IQCB1: variants seen among roughly 807,000 people sequenced by gnomAD.
IQCB1 encodes the protein IQ calmodulin-binding motif-containing protein 1.
In IQCB1, 56 loss-of-function variants were observed where a neutral mutation model predicts 84.4. The ratio of observed to expected loss-of-function variants is 0.66; its 90% CI spans 0.54 to 0.83. The LOEUF is 0.83. Among genes scored for constraint, IQCB1 ranks in the 40% least tolerant of loss-of-function variants. IQCB1 has a pLI of 0.00. For synonymous variants in IQCB1, 210 were observed against 234.8 expected, an observed-to-expected ratio of 0.89 and a Z score of 0.96; for missense variants, 629 against 682.1, an observed-to-expected ratio of 0.92 and a Z score of 0.87.
intron 7 of IQCB1, among the ~76,000 whole-genome samples, chr3:121,804,161 T>C (rs1949518998): frequency 6.6e-6 from 1 of 152,156 alleles, no homozygotes; most frequent in South Asian, 2.1e-4. Flanking sequence ...ACAGTGATAT[T>C]ATACCACTTC....
chr3:121,781,643 A>ACG, intron 13 of IQCB1, 100 bp downstream of exon 13: 1 of 599,854 alleles, frequency 1.7e-6, no homozygotes, highest in Non-Finnish European at 2.4e-6. Context: ...ACACACACAC[A>ACG]CACACACACA....
intron 12 of IQCB1, among the ~76,000 whole-genome samples, chr3:121,783,598 C>A (rs1948592127): frequency 1.3e-5 from 2 of 152,130 alleles, no homozygotes; most frequent in Admixed American, 1.3e-4. Flanking sequence ...ACAAACTCTG[C>A]CCTAATTTTC....
chr3:121,770,290 G>A lies in IQCB1; in HGVS notation c.*55C>T, dbSNP rs1413089880. The A allele has an allele frequency of 1.6e-6, 2 of 1,244,346 alleles. No homozygotes were observed. Among genetic ancestry groups the A allele is most frequent in the Admixed American group, 1.7e-5 (1 of 58,400 alleles). 77.1% of individuals were successfully genotyped at this position (1,244,346 alleles called of 1,614,324 possible). On this transcript the variant is annotated 3_prime_UTR_variant, in exon 15 of 15. Transcript: ENST00000310864. ...CTAGTCTACCAGCATGCCAGAGGCA[G>A]AACCAATATAATCTCCTAAAATATG...
At chr3:121,800,909 A>G (rs1035747828) in intron 7 of IQCB1, among the ~76,000 whole-genome samples, 1 of 151,954 alleles carries the variant, frequency 6.6e-6, no homozygotes, top group African/African-American at 2.4e-5. Context: ...TGATAAGTTC[A>G]TCAGTATAAC....
chr3:121,820,546 C>G (rs576151495), intron 5 of IQCB1, among the ~76,000 whole-genome samples: 4 of 152,252 alleles, frequency 2.6e-5, no homozygotes, highest in Admixed American at 2.6e-4. Context: ...TAGCCATAGT[C>G]CTGATCTCTC....
At chr3:121,796,126 T>C (rs1456430360) in intron 9 of IQCB1, among the ~76,000 whole-genome samples, 2 of 152,088 alleles carry the variant, frequency 1.3e-5, no homozygotes, top group East Asian at 1.9e-4. Flanking sequence ...TAATAAAATA[T>C]AGTTTTATGA....
Position 121,819,299 on chromosome 3 carries a change from T to C in IQCB1, c.393+6752A>G, listed in dbSNP as rs72626330. Among the ~76,000 whole-genome samples the C allele has an allele frequency of 6.1e-3, 929 of 152,266 alleles. 51 individuals carry two copies. The East Asian group carries it at 0.14, about 23-fold the overall frequency. ...TCTCATAATGAGCCTGCAACCTAGA[T>C]CCCTCACCTGCACAGTTCACAATAG... is the stretch of plus-strand genomic sequence containing the variant. On this transcript the variant is annotated intron_variant, in intron 5 of 14. Coordinates refer to ENST00000310864, the MANE Select transcript of IQCB1 (RefSeq NM_001023570.4).
intron 2 of IQCB1, among the ~76,000 whole-genome samples, chr3:121,830,318 T>C (rs942596303): frequency 6.6e-6 from 1 of 151,818 alleles, no homozygotes; most frequent in Non-Finnish European, 1.5e-5. Context: ...ACTTTCTCTA[T>C]GTAAAAAAAG....
At chr3:121,830,794 T>A (rs1950610705) in intron 2 of IQCB1, among the ~76,000 whole-genome samples, 1 of 152,204 alleles carries the variant, frequency 6.6e-6, no homozygotes, top group African/African-American at 2.4e-5. Flanking sequence ...TGCCTTTCTC[T>A]GACCTATCTT....
At chr3:121,815,814 G>A (rs550506186) in intron 5 of IQCB1, among the ~76,000 whole-genome samples, 6 of 151,582 alleles carry the variant, frequency 4.0e-5, no homozygotes, top group East Asian at 1.9e-4. Flanking sequence ...AATCAATATC[G>A]TGAAGATGGC....
At chr3:121,804,325 T>C (rs533453965) in intron 7 of IQCB1, among the ~76,000 whole-genome samples, 7 of 152,078 alleles carry the variant, frequency 4.6e-5, no homozygotes, top group Non-Finnish European at 8.8e-5. Context: ...TAAAATAATA[T>C]AAGAAAAACT....
chr3:121,815,475 T>C (rs11706783), intron 5 of IQCB1, among the ~76,000 whole-genome samples: 37,490 of 152,086 alleles, frequency 0.25, 4,965 homozygotes, highest in Non-Finnish European at 0.28. Flanking sequence ...TTGTCTCTGA[T>C]TGCAGATGAT....
At chr3:121,806,277 G>C (rs1179124701) in intron 7 of IQCB1, among the ~76,000 whole-genome samples, 1 of 151,934 alleles carries the variant, frequency 6.6e-6, no homozygotes, top group East Asian at 1.9e-4. Flanking sequence ...TTTGTGTCTA[G>C]AGTTTTCTTC....
intron 5 of IQCB1, among the ~76,000 whole-genome samples, chr3:121,816,574 G>GA (rs1007694591): frequency 5.3e-5 from 8 of 151,316 alleles, no homozygotes; most frequent in South Asian, 2.1e-4. Context: ...AAATTTACAA[G>GA]AAAAAAAACC....
intron 2 of IQCB1, among the ~76,000 whole-genome samples, chr3:121,831,326 T>C (rs967621273): frequency 4.1e-5 from 6 of 147,228 alleles, no homozygotes; most frequent in Admixed American, 6.7e-5. Flanking sequence ...TTGCAAGCCA[T>C]GACGCTCGGC....
chr3:121,807,563 T>C, intron 6 of IQCB1, 120 bp from the exon 7 acceptor site: 1 of 627,720 alleles, frequency 1.6e-6, no homozygotes, highest in South Asian at 1.7e-5. Context: ...TCTGACTTTG[T>C]AGACTCTACG....
intron 7 of IQCB1, 119 bp from the exon 8 acceptor site, chr3:121,799,493 A>G (rs951195750): frequency 1.5e-6 from 1 of 659,620 alleles, no homozygotes; most frequent in Admixed American, 2.9e-5. Flanking sequence ...CCAAGAATAT[A>G]ACCACTTTTT....
chr3:121,772,044 C>A (rs546878672), intron 14 of IQCB1, among the ~76,000 whole-genome samples: 1 of 152,086 alleles, frequency 6.6e-6, no homozygotes, highest in African/African-American at 2.4e-5. Flanking sequence ...CGTGGTGGTG[C>A]GCACCTGTAG....
chr3:121,798,340 G>C (rs780185636), intron 8 of IQCB1, among the ~76,000 whole-genome samples: 2 of 151,784 alleles, frequency 1.3e-5, no homozygotes, highest in African/African-American at 2.4e-5. Context: ...TTCCCATACA[G>C]TATAACCCTA....
Sources: allele counts gnomAD v4.1 joint callset (sites outside exome capture counted in the v4.1 genomes callset), GRCh38; gene constraint gnomAD v4.1.1; transcripts MANE v1.5; gene names NCBI Gene and HGNC (gene_info 2026-07-23, HGNC 2026-07-21).